Variants in KDM3A observed in about 807,000 individuals in gnomAD.
The protein encoded by KDM3A is lysine demethylase 3A, also known as lysine-specific demethylase 3A.
KDM3A carries 60 observed loss-of-function variants against 158.0 expected under a neutral mutation model. The observed-to-expected ratio is 0.38, with a 90% CI of 0.31 to 0.47. The LOEUF (loss-of-function observed/expected upper bound fraction) is 0.47, where lower values mean the gene tolerates loss of function less well. Among genes scored for constraint, KDM3A ranks in the 20% least tolerant of loss-of-function variants. KDM3A has a pLI of 0.99. For missense variants in KDM3A, 1,319 were observed against 1,574.3 expected (o/e 0.84, Z 2.74); for synonymous variants, 608 against 549.3 (o/e 1.11, Z -1.49).
chr2:86,489,274 C>A lies in KDM3A; in HGVS notation c.3314-44C>A, dbSNP rs199813351. 27 of 1,595,294 alleles carry A rather than the reference C, an allele frequency of 1.7e-5. No homozygotes were observed. The African/African-American group carries it at 3.5e-4, about 21-fold the overall frequency. On this transcript the variant is annotated intron_variant, in intron 21 of 25. Transcript: ENST00000312912. ...GTAGGTAGTGGAAAGACTGTGGCAG[C>A]CTTTGTTGTCTTTTGTAAAACTTAA...
chr2:86,472,244 C>G (rs551657316), intron 11 of KDM3A, among the ~76,000 whole-genome samples: 70 of 151,134 alleles, frequency 4.6e-4, no homozygotes, highest in African/African-American at 1.7e-3. Flanking sequence ...TCATTTTTGA[C>G]TTCTTTAAAG....
Position 86,492,287 on chromosome 2 carries a change from G to A in KDM3A, c.*168G>A. On this transcript the variant is annotated 3_prime_UTR_variant, in exon 26 of 26. Coordinates refer to ENST00000312912, the MANE Select transcript of KDM3A (RefSeq NM_018433.6). ...TCTAGTGTTTACAGACAGTAAATGT[G>A]TATATGTAGTAACTATTTACAGAAC... 1.8e-6 allele frequency: 1 copy of A among 551,696 alleles called. No homozygotes were observed. Among genetic ancestry groups the A allele is most frequent in the Non-Finnish European group, 3.2e-6 (1 of 307,822 alleles). 34.2% of individuals were successfully genotyped at this position (551,696 alleles called of 1,614,324 possible).
intron 10 of KDM3A, among the ~76,000 whole-genome samples, chr2:86,469,625 CAT>C (rs1000212817): frequency 1.3e-5 from 2 of 152,228 alleles, no homozygotes; most frequent in African/African-American, 4.8e-5. Context: ...GCTTGGACCA[CAT>C]GTGTGAAAGA....
chr2:86,460,163 G>A (rs552165066), intron 8 of KDM3A, among the ~76,000 whole-genome samples: 3 of 152,162 alleles, frequency 2.0e-5, no homozygotes, highest in Admixed American at 2.0e-4. Context: ...CAAATGTAAT[G>A]TAAGGAAATA....
At chr2:86,446,597 C>T (rs1246013856) in intron 2 of KDM3A, among the ~76,000 whole-genome samples, 1 of 152,088 alleles carries the variant, frequency 6.6e-6, no homozygotes, top group Non-Finnish European at 1.5e-5. Flanking sequence ...GTAATCCCAG[C>T]TACTTGGGAG....
upstream of KDM3A, chr2:86,440,713 A>G (rs1279386292): frequency 6.6e-6 from 1 of 152,240 alleles, no homozygotes; most frequent in Non-Finnish European, 1.5e-5. Context: ...ACGTTCCACG[A>G]TCAGTACCAC....
chr2:86,475,380 G>C (rs1057311874), intron 12 of KDM3A, among the ~76,000 whole-genome samples: 1 of 152,178 alleles, frequency 6.6e-6, no homozygotes, highest in Non-Finnish European at 1.5e-5. Flanking sequence ...CAGACCTACC[G>C]AGTTAGAGTC....
rs752488886 is a variant in KDM3A at position 86,478,693 on chromosome 2, C to A, written c.2274C>A (p.Phe758Leu). The A allele has an allele frequency of 1.2e-6, 2 of 1,613,900 alleles. No homozygotes were observed. Among genetic ancestry groups the A allele is most frequent in the South Asian group, 2.2e-5 (2 of 91,080 alleles). ...KANCPCSNRQFKLFSKPASKE... is the reference protein window; with the variant it reads ...KANCPCSNRQLKLFSKPASKE... ...ACTGCCCTTGTTCAAACAGGCAATTCAAACTCTTTTCAAAGCCAGCCTCAA... is the reference window on the plus strand; with the variant it reads ...ACTGCCCTTGTTCAAACAGGCAATTAAAACTCTTTTCAAAGCCAGCCTCAA... The change falls in exon 15 of 26, where the codon TTC becomes TTA. Residue 758 changes from phenylalanine to leucine, a missense_variant. By Grantham distance (22) the Phe-to-Leu change is conservative. This residue lies in a region of KDM3A where 368 missense variants were observed against 415.8 expected (regional missense o/e 0.89). Transcript: ENST00000312912.
intron 17 of KDM3A, 73 bp from the exon 18 acceptor site, chr2:86,482,385 T>C: frequency 6.4e-7 from 1 of 1,568,586 alleles, no homozygotes; most frequent in Non-Finnish European, 8.6e-7. Flanking sequence ...TAATCTATAC[T>C]CATTATGGGA....
intron 11 of KDM3A, among the ~76,000 whole-genome samples, chr2:86,471,447 AAGC>A: frequency 6.6e-6 from 1 of 152,206 alleles, no homozygotes; most frequent in East Asian, 1.9e-4. Flanking sequence ...GTGAAGAAAA[AAGC>A]AGCCCTATCT....
intron 2 of KDM3A, chr2:86,442,482 C>G (rs1682772945): frequency 4.8e-6 from 2 of 416,850 alleles, no homozygotes; most frequent in Non-Finnish European, 8.7e-6. Context: ...TTCATTAATG[C>G]CGGTGCTGTG....
rs1438846089 is a variant in KDM3A, at chr2:86,478,719, AG to A, written c.2302del (p.Glu768LysfsTer3). The A allele has an allele frequency of 6.2e-7, 1 of 1,614,012 alleles. No homozygotes were observed. The highest frequency in any genetic ancestry group is 2.2e-5 in the East Asian group (1 of 44,878). On this transcript the variant is annotated frameshift_variant, in exon 15 of 26. Coordinates refer to ENST00000312912, the MANE Select transcript of KDM3A (RefSeq NM_018433.6). LOFTEE classifies it high-confidence loss of function. ...QFKLFSKPAS[K>X]EDLKQTSLAG... ...AAACTCTTTTCAAAGCCAGCCTCAAAGGAAGACCTAAAACAGGTATTTACTG... is the reference window on the plus strand; with the variant it reads ...AAACTCTTTTCAAAGCCAGCCTCAAAGAAGACCTAAAACAGGTATTTACTG...
intron 8 of KDM3A, among the ~76,000 whole-genome samples, chr2:86,459,085 C>G (rs1211951174): frequency 3.9e-5 from 6 of 152,080 alleles, no homozygotes; most frequent in Non-Finnish European, 1.5e-5. Context: ...ATGTCTGCCT[C>G]AAAGAACATG....
At chr2:86,488,676 A>C (rs761024380) in intron 21 of KDM3A, 1 of 152,342 alleles carries the variant, frequency 6.6e-6, no homozygotes, top group African/African-American at 2.4e-5. Flanking sequence ...GCTTCTCCCT[A>C]CTGCCCAGTC....
At chr2:86,447,778 C>T (rs1683015983) in intron 2 of KDM3A, among the ~76,000 whole-genome samples, 2 of 152,246 alleles carry the variant, frequency 1.3e-5, no homozygotes, top group South Asian at 4.1e-4. Context: ...TAAAATCATT[C>T]TAAGAGAGAT....
At chr2:86,489,108 C>T in intron 21 of KDM3A, 1 of 518,390 alleles carries the variant, frequency 1.9e-6, no homozygotes, top group Admixed American at 3.7e-5. Context: ...TAACCACTTC[C>T]ATTTCCTGCT....
intron 11 of KDM3A, 128 bp from the exon 12 acceptor site, chr2:86,474,648 A>G: frequency 3.2e-6 from 2 of 634,168 alleles, no homozygotes. Flanking sequence ...TGGGTGACAG[A>G]GCGAGACTCC....
At chr2:86,450,988 A>C in intron 3 of KDM3A, 115 bp from the exon 4 acceptor site, 1 of 607,818 alleles carries the variant, frequency 1.6e-6, no homozygotes, top group African/African-American at 1.9e-5. Flanking sequence ...ACTTGCAGTA[A>C]ATAAAAAAAA....
At position 86,464,187 on chromosome 2, in the gene KDM3A, A is replaced by G. The variant is rs1673039525; in HGVS notation, c.978A>G (p.Pro326=). ...GTACTCCCCAGGCTGCCAACTCTCC[A>G]CCTAACCTTGGAGCAAAAATTCCTC... ...QQSTPQAANS[P]PNLGAKIPQG... is the part of the protein sequence containing the mutation. The change falls in exon 9 of 26, where the codon CCA becomes CCG. Residue 326 remains proline, a synonymous_variant. Transcript: ENST00000312912. 6.2e-7 allele frequency: 1 copy of G among 1,606,670 alleles called. No individual in the cohort carries two copies. The highest frequency in any genetic ancestry group is 1.3e-5 in the African/African-American group (1 of 74,780).
Sources: gnomAD v4.1 joint callset for allele counts (sites outside exome capture counted in the v4.1 genomes callset) on GRCh38, gnomAD v4.1.1 for gene constraint, gnomAD v4.1.1 regional missense constraint, MANE v1.5 for transcripts, NCBI Gene and HGNC (gene_info 2026-07-23, HGNC 2026-07-21) for gene names.